Variants in SSB observed in about 807,000 individuals in gnomAD.
The protein encoded by SSB is small RNA binding exonuclease protection factor La.
SSB carries 17 observed loss-of-function variants against 52.9 expected under a neutral mutation model. That is an observed-to-expected ratio of 0.32 (90% CI 0.22 to 0.48). The LOEUF is 0.48. Ranked by LOEUF, SSB falls within the 20% of genes least tolerant of loss-of-function variation. The probability of loss-of-function intolerance (pLI) is 0.99; values close to 1 mark genes in which losing one functional copy is unlikely to be tolerated. For missense variants in SSB, 314 were observed against 463.6 expected, an observed-to-expected ratio of 0.68 and a Z score of 2.96; for synonymous variants, 111 against 152.1, an observed-to-expected ratio of 0.73 and a Z score of 1.99.
rs570516133 is a variant in SSB, at chr2:169,806,759, T to C, written c.346-26T>C. On this transcript the variant is annotated intron_variant, in intron 4 of 11. Coordinates refer to ENST00000260956, the MANE Select transcript of SSB (RefSeq NM_003142.5). ...ATCTGAGAAGTCATTATTTGTTATT[T>C]GTACATTTCTTCCCACTCTTCACAG... The C allele has an allele frequency of 2.6e-4, 392 of 1,533,590 alleles. 2 individuals carry two copies. The South Asian group carries it at 4.4e-3, about 17-fold the overall frequency. 95.0% of individuals were successfully genotyped at this position (1,533,590 alleles called of 1,614,324 possible).
At chr2:169,807,202 TTGATA>T in intron 6 of SSB, 131 bp downstream of exon 6, 1 of 689,204 alleles carries the variant, frequency 1.5e-6, no homozygotes, top group Non-Finnish European at 2.5e-6. Context: ...TGAGAAATGC[TTGATA>T]TTTGTTCAGT....
intron 2 of SSB, among the ~76,000 whole-genome samples, chr2:169,804,230 T>C (rs1689774238): frequency 6.8e-6 from 1 of 146,066 alleles, no homozygotes; most frequent in African/African-American, 2.5e-5. Context: ...TTGAGAAACA[T>C]TTACTTTAAC....
chr2:169,805,847 G>A lies in SSB; in HGVS notation c.345+8G>A. 6.2e-7 allele frequency: 1 copy of A among 1,606,426 alleles called. No homozygotes were observed. The highest frequency in any genetic ancestry group is 8.5e-7 in the Non-Finnish European group (1 of 1,176,124). On this transcript the variant is annotated splice_region_variant and intron_variant, in intron 4 of 11. Transcript: ENST00000260956. ...AACAGATCTGTTTATATTGTAAGTG[G>A]GCCTGTAATGCATTTAAATATCTTA... is the stretch of plus-strand genomic sequence containing the variant.
chr2:169,810,490 G>C, intron 9 of SSB, 67 bp downstream of exon 9: 1 of 1,401,180 alleles, frequency 7.1e-7, no homozygotes, highest in Non-Finnish European at 9.7e-7. Flanking sequence ...GACAAAATTA[G>C]TAGAAAGTAA....
At chr2:169,810,491 TA>T in intron 9 of SSB, 68 bp downstream of exon 9, 1 of 1,395,410 alleles carries the variant, frequency 7.2e-7, no homozygotes, top group Non-Finnish European at 9.7e-7. Flanking sequence ...ACAAAATTAG[TA>T]GAAAGTAATT....
At chr2:169,804,240 C>CGT (rs1553482341) in intron 2 of SSB, among the ~76,000 whole-genome samples, 1 of 95,342 alleles carries the variant, frequency 1.0e-5, no homozygotes, top group Non-Finnish European at 1.9e-5. Context: ...TTTACTTTAA[C>CGT]TTTTTTTTTT....
rs749096919 is a variant in SSB, at chr2:169,800,959, C to T, written c.-2C>T. ...ATTTGGGAAATTTTACAGATAGCCG[C>T]AATGGCTGAAAATGGTGATAATGAA... On this transcript the variant is annotated 5_prime_UTR_variant, in exon 2 of 12. Transcript: ENST00000260956. 1 of 1,585,560 alleles carries T rather than the reference C, an allele frequency of 6.3e-7. No homozygotes were observed. The highest frequency in any genetic ancestry group is 8.5e-7 in the Non-Finnish European group (1 of 1,169,878).
intron 2 of SSB, among the ~76,000 whole-genome samples, chr2:169,801,998 A>G (rs977854869): frequency 3.9e-5 from 6 of 152,160 alleles, no homozygotes; most frequent in African/African-American, 1.4e-4. Context: ...CCTGGGCAAC[A>G]TGATGAGGCC....
chr2:169,808,895 C>G lies in SSB; in HGVS notation c.662C>G (p.Ala221Gly), dbSNP rs368954177. 13 of 1,597,416 alleles carry G rather than the reference C, an allele frequency of 8.1e-6. No individual in the cohort carries two copies. In the African/African-American group the frequency reaches 1.6e-4, roughly 20 times the overall value. ...QEAKQKLEED[A>G]EMKSLEEKIG... ...GCAAAACAAAAGTTAGAAGAAGATG[C>G]TGAAATGGTAAGTATATATTACTGC... is the stretch of plus-strand genomic sequence containing the variant. The change falls in exon 8 of 12, where the codon GCT becomes GGT. Residue 221 changes from alanine to glycine, a missense_variant. Physicochemically the swap from Ala to Gly is moderately conservative, Grantham distance 60. Coordinates refer to ENST00000260956, the MANE Select transcript of SSB (RefSeq NM_003142.5).
At chr2:169,807,737 CT>C (rs55845251) in intron 6 of SSB, among the ~76,000 whole-genome samples, 187 of 74,024 alleles carry the variant, frequency 2.5e-3, no homozygotes, top group East Asian at 8.8e-3. Context: ...GCCTATATGT[CT>C]TTTTTTTTTT....
At position 169,800,978 on chromosome 2, in the gene SSB, T is replaced by TA; in HGVS notation, c.20dup (p.Asn7LysfsTer2). On this transcript the variant is annotated frameshift_variant, in exon 2 of 12. Transcript: ENST00000260956. LOFTEE classifies it high-confidence loss of function. Reference sequence around the variant, plus strand: ...TAGCCGCAATGGCTGAAAATGGTGATAATGAAAAGATGGCTGCCCTGGAGG... The same window carrying TA: ...TAGCCGCAATGGCTGAAAATGGTGATAAATGAAAAGATGGCTGCCCTGGAGG... 1 of 1,598,696 alleles carries TA rather than the reference T, an allele frequency of 6.3e-7. No homozygotes were observed. The highest frequency in any genetic ancestry group is 8.5e-7 in the Non-Finnish European group (1 of 1,174,134).
intron 1 of SSB, among the ~76,000 whole-genome samples, chr2:169,799,961 G>A (rs544134556): frequency 6.6e-6 from 1 of 152,176 alleles, no homozygotes; most frequent in East Asian, 1.9e-4. Context: ...AGAAGACTTG[G>A]TTTGTAATTT....
intron 4 of SSB, chr2:169,806,133 G>C (rs1274693701): frequency 2.9e-6 from 1 of 341,072 alleles, no homozygotes; most frequent in Non-Finnish European, 5.6e-6. Context: ...ACCATGCCTG[G>C]CAAAAAATTT....
chr2:169,811,786 A>T lies in SSB; in HGVS notation c.*30A>T, dbSNP rs772063248. ...GTAAACCAATTTTTTATTCATTTTA[A>T]ATAGGTTTTAAACGACTTTTGTTTG... On this transcript the variant is annotated 3_prime_UTR_variant, in exon 12 of 12. Transcript: ENST00000260956. 1 of 1,613,556 alleles carries T rather than the reference A, an allele frequency of 6.2e-7. No homozygotes were observed. The highest frequency in any genetic ancestry group is 8.5e-7 in the Non-Finnish European group (1 of 1,179,748).
rs372486285 is a variant in SSB at position 169,811,759 on chromosome 2, T to C, written c.*3T>C. The stretch of plus-strand genomic sequence containing the variant: ...AAAATGGTGCTGGAGACCAGTAGTT[T>C]AGTAAACCAATTTTTTATTCATTTT... On this transcript the variant is annotated 3_prime_UTR_variant, in exon 12 of 12. Transcript: ENST00000260956. 3.1e-6 allele frequency: 5 copies of C among 1,613,174 alleles called. No homozygotes were observed. The African/African-American group carries it at 5.3e-5, about 17-fold the overall frequency.
At chr2:169,803,408 C>T (rs1259630650) in intron 2 of SSB, among the ~76,000 whole-genome samples, 2 of 152,038 alleles carry the variant, frequency 1.3e-5, no homozygotes, top group African/African-American at 4.8e-5. Context: ...CACCACCATG[C>T]CCGGCTAATT....
chr2:169,800,812 G>A, intron 1 of SSB, 140 bp from the exon 2 acceptor site: 1 of 551,888 alleles, frequency 1.8e-6, no homozygotes, highest in African/African-American at 2.0e-5. Flanking sequence ...TTTGAGAACT[G>A]AGTAAAGAAA....
At chr2:169,810,153 G>T in intron 8 of SSB, 130 bp from the exon 9 acceptor site, 1 of 479,038 alleles carries the variant, frequency 2.1e-6, no homozygotes, top group Non-Finnish European at 3.5e-6. Flanking sequence ...CTGCCCCGGC[G>T]GAAGAAACTA....
chr2:169,806,702 G>GA (rs1174271283), intron 4 of SSB, 83 bp from the exon 5 acceptor site: 18 of 1,179,480 alleles, frequency 1.5e-5, no homozygotes, highest in East Asian at 2.3e-5. Context: ...TTCATTTCAA[G>GA]AAAAAATGAA....
Sources: allele counts gnomAD v4.1 joint callset (sites outside exome capture counted in the v4.1 genomes callset), GRCh38; gene constraint gnomAD v4.1.1; transcripts MANE v1.5; gene names NCBI Gene and HGNC (gene_info 2026-07-23, HGNC 2026-07-21).